LIN54: variants seen among roughly 807,000 people sequenced by gnomAD.
LIN54 encodes the protein protein lin-54 homolog.
LIN54 carries 9 observed loss-of-function variants against 78.7 expected under a neutral mutation model. The ratio of observed to expected loss-of-function variants is 0.11; its 90% CI spans 0.07 to 0.20. The LOEUF (loss-of-function observed/expected upper bound fraction) is 0.20. Among genes scored for constraint, LIN54 ranks in the 10% least tolerant of loss-of-function variants. The pLI, the probability that LIN54 is intolerant of heterozygous loss-of-function variation, is 1.00. For missense variants in LIN54, 573 were observed against 889.9 expected (o/e 0.64, Z 4.53); for synonymous variants, 269 against 318.4 (o/e 0.84, Z 1.65).
chr4:83,001,927 G>GAA (rs1728852474), intron 1 of LIN54, among the ~76,000 whole-genome samples: 1 of 4,150 alleles, frequency 2.4e-4, no homozygotes, highest in Admixed American at 2.0e-3. Flanking sequence ...GGGAGGGAGG[G>GAA]AGGGAAGGAA....
chr4:83,009,873 C>A (rs1729710347), intron 1 of LIN54, among the ~76,000 whole-genome samples: 1 of 152,140 alleles, frequency 6.6e-6, no homozygotes, highest in Non-Finnish European at 1.5e-5. Context: ...TCTCTGAATT[C>A]ATGAACTAGG....
rs1723353203 is a variant in LIN54, at chr4:82,946,261, G to C, written c.1165C>G (p.Gln389Glu). 1.9e-6 allele frequency: 3 copies of C among 1,611,318 alleles called. No individual in the cohort carries two copies. The highest frequency in any genetic ancestry group is 2.5e-6 in the Non-Finnish European group (3 of 1,177,498). ...NPSTNTQPLQ[Q>E]AKPVVVNTTP... ...TTTTTAAAAAATGGTTACTAACCTT[G>C]CTGAAGAGGCTGAGTGTTTGTACTG... Residue 389 changes from glutamine (Q) to glutamate (E), a missense_variant, in exon 5 of 13, where the codon CAA (glutamine) becomes GAA (glutamate). Coordinates refer to ENST00000340417, the MANE Select transcript of LIN54 (RefSeq NM_194282.4).
intron 5 of LIN54, among the ~76,000 whole-genome samples, chr4:82,940,663 A>G (rs1722777258): frequency 6.6e-6 from 1 of 152,242 alleles, no homozygotes; most frequent in Admixed American, 6.5e-5. Context: ...GGCCACCCAA[A>G]GTGCTGGGAT....
intron 1 of LIN54, among the ~76,000 whole-genome samples, chr4:83,000,921 A>C (rs1728712197): frequency 6.8e-6 from 1 of 147,386 alleles, no homozygotes; most frequent in Admixed American, 7.0e-5. Context: ...AGGTTCAAGC[A>C]ATTCTCCTGC....
chr4:82,971,037 C>A (rs984056793), intron 3 of LIN54, among the ~76,000 whole-genome samples: 4 of 152,126 alleles, frequency 2.6e-5, no homozygotes, highest in Non-Finnish European at 4.4e-5. Context: ...CTGGACAAGA[C>A]CCTTCAGGAA....
intron 11 of LIN54, among the ~76,000 whole-genome samples, chr4:82,932,819 C>T (rs1467284372): frequency 1.3e-5 from 2 of 151,928 alleles, no homozygotes; most frequent in Admixed American, 6.6e-5. Flanking sequence ...GAATGAAACA[C>T]CATCTCAAAA....
chr4:82,994,025 A>T (rs772987654), intron 1 of LIN54, among the ~76,000 whole-genome samples: 5 of 151,780 alleles, frequency 3.3e-5, no homozygotes, highest in Non-Finnish European at 7.4e-5. Flanking sequence ...AAGTCTGTCA[A>T]CTCCTGGTTT....
chr4:83,007,997 C>T (rs537731898), intron 1 of LIN54, among the ~76,000 whole-genome samples: 19 of 152,308 alleles, frequency 1.2e-4, no homozygotes, highest in African/African-American at 4.6e-4. Context: ...ATTACACCTT[C>T]ACCATGACTC....
At chr4:82,985,655 C>T (rs533221116) in intron 1 of LIN54, among the ~76,000 whole-genome samples, 45 of 152,336 alleles carry the variant, frequency 3.0e-4, no homozygotes, top group African/African-American at 1.1e-3. Context: ...ATTCTCCTGC[C>T]TCAGCCTCCT....
At chr4:83,002,065 G>A (rs1017311625) in intron 1 of LIN54, among the ~76,000 whole-genome samples, 1 of 150,732 alleles carries the variant, frequency 6.6e-6, no homozygotes, top group Admixed American at 6.6e-5. Context: ...GAGTGCTTCC[G>A]AACTAGTGCC....
chr4:82,985,653 G>GC (rs1324750111), intron 1 of LIN54, among the ~76,000 whole-genome samples: 2 of 152,208 alleles, frequency 1.3e-5, no homozygotes, highest in Middle Eastern at 3.2e-3. Flanking sequence ...CAATTCTCCT[G>GC]CCTCAGCCTC....
chr4:82,979,409 C>T (rs563640189), intron 2 of LIN54, among the ~76,000 whole-genome samples: 2 of 152,152 alleles, frequency 1.3e-5, no homozygotes, highest in East Asian at 1.9e-4. Context: ...CACCTATATA[C>T]ACAATTACAT....
intron 8 of LIN54, 80 bp downstream of exon 8, chr4:82,938,333 G>A: frequency 1.3e-6 from 1 of 788,120 alleles, no homozygotes; most frequent in African/African-American, 1.7e-5. Context: ...AATAAAAGAG[G>A]ATGTAGTTTG....
At chr4:82,931,191 CATTACT>C (rs770080516) in intron 11 of LIN54, 46 bp from the exon 12 acceptor site, 1 of 1,393,228 alleles carries the variant, frequency 7.2e-7, no homozygotes, top group Non-Finnish European at 1.0e-6. Flanking sequence ...AACCAAAATA[CATTACT>C]ATAAGTAGAT....
At chr4:82,947,231 A>ATTTTTTTTTTTTTTTTTTTTT (rs1390095473) in intron 4 of LIN54, among the ~76,000 whole-genome samples, 1 of 13,950 alleles carries the variant, frequency 7.2e-5, no homozygotes, top group African/African-American at 2.0e-4. Flanking sequence ...ATATATATAT[A>ATTTTTTTTTTTTTTTTTTTTT]TATATTTTTT....
At chr4:82,948,581 T>C (rs1723596788) in intron 4 of LIN54, among the ~76,000 whole-genome samples, 2 of 152,188 alleles carry the variant, frequency 1.3e-5, no homozygotes, top group Non-Finnish European at 2.9e-5. Context: ...ATCTACTCAT[T>C]TAGCAGGAAT....
intron 4 of LIN54, among the ~76,000 whole-genome samples, chr4:82,946,976 A>G (rs1282754741): frequency 6.6e-6 from 1 of 151,014 alleles, no homozygotes; most frequent in Non-Finnish European, 1.5e-5. Flanking sequence ...CTGGTCTTGA[A>G]CTCCTGACCT....
chr4:83,011,222 T>A (rs770812461), upstream of LIN54, among the ~76,000 whole-genome samples: 3 of 152,200 alleles, frequency 2.0e-5, no homozygotes, highest in African/African-American at 7.2e-5. Flanking sequence ...TTCACCAACT[T>A]TGACATTTTA....
intron 11 of LIN54, among the ~76,000 whole-genome samples, chr4:82,934,542 C>T (rs911184613): frequency 2.6e-5 from 4 of 152,180 alleles, no homozygotes; most frequent in Non-Finnish European, 4.4e-5. Flanking sequence ...GAGTATTTGA[C>T]TTTGTAAATA....
Sources: allele counts gnomAD v4.1 joint callset (sites outside exome capture counted in the v4.1 genomes callset), GRCh38; gene constraint gnomAD v4.1.1; transcripts MANE v1.5; gene names NCBI Gene and HGNC (gene_info 2026-07-23, HGNC 2026-07-21).